Variants in ARVCF observed in about 807,000 individuals in gnomAD.
The protein encoded by ARVCF is ARVCF delta catenin family member, also known as splicing regulator ARVCF.
A neutral mutation model predicts 90.9 loss-of-function variants in ARVCF; 66 were observed. That is an observed-to-expected ratio of 0.73 (90% confidence interval 0.60 to 0.89). The LOEUF (loss-of-function observed/expected upper bound fraction) is 0.89, where lower values mean the gene tolerates loss of function less well. Among genes scored for constraint, ARVCF ranks in the 40% least tolerant of loss-of-function variants. ARVCF has a pLI of 0.00. For missense variants in ARVCF, 1,469 were observed against 1,382.3 expected (o/e 1.06, Z -1.00); for synonymous variants, 653 against 603.4 (o/e 1.08, Z -1.21).
chr22:20,015,975 C>T (rs1945091480), intron 1 of ARVCF, among the ~76,000 whole-genome samples: 1 of 152,274 alleles, frequency 6.6e-6, no homozygotes, highest in African/African-American at 2.4e-5. Flanking sequence ...AGCAGTCTCC[C>T]TCAGAGTGGA....
Position 19,981,464 on chromosome 22 carries a change from C to G in ARVCF, c.643G>C (p.Ala215Pro). Residue 215 changes from alanine to proline, a missense_variant, in exon 5 of 20, where the codon GCT becomes CCT. Coordinates refer to ENST00000263207, the MANE Select transcript of ARVCF (RefSeq NM_001670.3). ...SRGLGMRPPR[A>P]GPLGPGPGDG... ...CCAGGGCCTGGGCCAAGGGGGCCAG[C>G]ACGTGGGGGCCGCATGCCCAGCCCT... 1 of 1,544,412 alleles carries G rather than the reference C, an allele frequency of 6.5e-7. No individual in the cohort carries two copies. The highest frequency in any genetic ancestry group is 1.2e-5 in the South Asian group (1 of 84,134).
At chr22:19,983,931 C>T (rs1357566384) in intron 3 of ARVCF, among the ~76,000 whole-genome samples, 1 of 152,222 alleles carries the variant, frequency 6.6e-6, no homozygotes, top group Non-Finnish European at 1.5e-5. Context: ...TGCTCTGAAG[C>T]AGGAGAAGGC....
chr22:19,977,877 G>T, intron 8 of ARVCF, 81 bp downstream of exon 8: 1 of 1,451,766 alleles, frequency 6.9e-7, no homozygotes, highest in Non-Finnish European at 9.4e-7. Flanking sequence ...CCCCTGTGCT[G>T]CTCCCACAGT....
downstream of ARVCF, among the ~76,000 whole-genome samples, chr22:19,967,856 T>TG (rs1942504180): frequency 6.6e-6 from 1 of 152,238 alleles, no homozygotes; most frequent in African/African-American, 2.4e-5. Flanking sequence ...ATAGCATAGA[T>TG]AGGCAAGCAT....
Position 19,973,627 on chromosome 22 carries a change from T to A in ARVCF, c.2239+16A>T, listed in dbSNP as rs556276698. ...ACAGTTCGGTGCCCAGGCGTGGGCT[T>A]TGCAGGCGTCCTCACCGATGAGGTC... On this transcript the variant is annotated intron_variant, in intron 13 of 19. Coordinates refer to ENST00000263207, the MANE Select transcript of ARVCF (RefSeq NM_001670.3). The A allele has an allele frequency of 1.9e-6, 3 of 1,597,014 alleles. No individual in the cohort carries two copies. The highest frequency in any genetic ancestry group is 4.5e-5 in the East Asian group (2 of 44,560).
intron 1 of ARVCF, among the ~76,000 whole-genome samples, chr22:20,013,725 C>A (rs1346288172): frequency 6.6e-6 from 1 of 152,216 alleles, no homozygotes; most frequent in Non-Finnish European, 1.5e-5. Flanking sequence ...CAGGCACCCA[C>A]CAGCTCTGGG....
rs748044245 is a variant in ARVCF, at chr22:19,972,409, C to T, written c.2644G>A (p.Gly882Ser). 2.5e-6 allele frequency: 4 copies of T among 1,613,520 alleles called. No homozygotes were observed. Among genetic ancestry groups the T allele is most frequent in the Non-Finnish European group, 3.4e-6 (4 of 1,179,948 alleles). Reference protein sequence around the residue: ...TLPLVDKSLEGEKTGSRDVIP... With the variant: ...TLPLVDKSLESEKTGSRDVIP... ...ACATCCCGGCTGCCAGTTTTCTCGCCCTCTGCAAGGCAGGAGGAGGAGACG... is the reference window on the plus strand; with the variant it reads ...ACATCCCGGCTGCCAGTTTTCTCGCTCTCTGCAAGGCAGGAGGAGGAGACG... The change falls in exon 17 of 20, where the codon GGC (glycine) becomes AGC (serine). Residue 882 changes from glycine (G) to serine (S), a missense_variant and splice_region_variant. Gly to Ser is a moderately conservative substitution (Grantham distance 56). Coordinates refer to ENST00000263207, the MANE Select transcript of ARVCF (RefSeq NM_001670.3).
intron 3 of ARVCF, among the ~76,000 whole-genome samples, chr22:19,988,814 C>T (rs945138903): frequency 3.9e-5 from 6 of 151,938 alleles, no homozygotes; most frequent in African/African-American, 1.5e-4. Context: ...GCCCTGGCAA[C>T]ACATGCTCTC....
intron 2 of ARVCF, among the ~76,000 whole-genome samples, chr22:19,993,804 G>T (rs1415596122): frequency 1.3e-5 from 2 of 152,228 alleles, no homozygotes; most frequent in Non-Finnish European, 2.9e-5. Flanking sequence ...GAACTGAAGG[G>T]GGGCTGGAAA....
intron 1 of ARVCF, among the ~76,000 whole-genome samples, chr22:20,014,161 C>T (rs5993895): frequency 1.3e-4 from 20 of 149,860 alleles, no homozygotes; most frequent in African/African-American, 4.9e-4. Context: ...ATTACAGGTA[C>T]GAGCCACCGT....
intron 1 of ARVCF, 125 bp downstream of exon 1, chr22:20,016,464 G>A (rs1038988382): frequency 4.6e-5 from 7 of 152,154 alleles, no homozygotes; most frequent in African/African-American, 9.7e-5. Flanking sequence ...TCGACTCCAG[G>A]GATAGGACCC....
intron 3 of ARVCF, among the ~76,000 whole-genome samples, chr22:19,986,192 C>T (rs1213433019): frequency 2.6e-5 from 4 of 152,228 alleles, no homozygotes; most frequent in Non-Finnish European, 5.9e-5. Context: ...TCATCAGACA[C>T]ACTGTGACCA....
Position 19,973,731 on chromosome 22 carries a change from C to T in ARVCF, c.2151G>A (p.Leu717=). 3 of 1,609,554 alleles carry T rather than the reference C, an allele frequency of 1.9e-6. No individual in the cohort carries two copies. The highest frequency in any genetic ancestry group is 1.7e-6 in the Non-Finnish European group (2 of 1,179,936). ...KERGLPVLVE[L]LQSETDKVVR... is the part of the protein sequence containing the mutation. ...CCACCTTGTCGGTCTCAGACTGCAG[C>T]AGTTCCACAAGCACCGGCAGCCCGC... The change falls in exon 13 of 20, where the codon CTG becomes CTA. Residue 717 remains leucine, a synonymous_variant. Coordinates refer to ENST00000263207, the MANE Select transcript of ARVCF (RefSeq NM_001670.3).
intron 2 of ARVCF, among the ~76,000 whole-genome samples, chr22:19,993,154 G>C (rs1944092804): frequency 6.6e-6 from 1 of 151,990 alleles, no homozygotes; most frequent in African/African-American, 2.4e-5. Flanking sequence ...GCCCTGGGGG[G>C]AAGTGCCCTA....
chr22:19,975,986 G>T (rs1028105204), intron 10 of ARVCF, among the ~76,000 whole-genome samples: 1 of 152,040 alleles, frequency 6.6e-6, no homozygotes, highest in Non-Finnish European at 1.5e-5. Flanking sequence ...CTGCCCCTAG[G>T]ACTCATCTCC....
At chr22:19,983,309 G>A (rs1435218640) in intron 3 of ARVCF, among the ~76,000 whole-genome samples, 1 of 152,260 alleles carries the variant, frequency 6.6e-6, no homozygotes, top group East Asian at 1.9e-4. Context: ...CCTGGGGCCT[G>A]CACAGACACT....
chr22:19,974,501 G>A (rs910913586), intron 11 of ARVCF, among the ~76,000 whole-genome samples: 4 of 152,130 alleles, frequency 2.6e-5, no homozygotes, highest in Non-Finnish European at 5.9e-5. Context: ...GGGTGGGGAG[G>A]GAGGTGTCAA....
intron 2 of ARVCF, among the ~76,000 whole-genome samples, chr22:20,004,133 A>G (rs1239751744): frequency 1.3e-5 from 2 of 152,152 alleles, no homozygotes; most frequent in African/African-American, 4.8e-5. Flanking sequence ...ATACCATTAA[A>G]AAGAATAGAA....
At chr22:19,969,037 T>C (rs1313333764), downstream of ARVCF, 1 of 274,658 alleles carries the variant, frequency 3.6e-6, no homozygotes, top group African/African-American at 2.2e-5. Flanking sequence ...TAACTCGACT[T>C]AGTACATCCT....
Sources: gnomAD v4.1 joint callset for allele counts (sites outside exome capture counted in the v4.1 genomes callset) on GRCh38, gnomAD v4.1.1 for gene constraint, MANE v1.5 for transcripts, NCBI Gene and HGNC (gene_info 2026-07-23, HGNC 2026-07-21) for gene names.